Variants in TULP4 observed in about 807,000 individuals in gnomAD.
TULP4 encodes TUB like protein 4.
Under a neutral mutation model 129.0 loss-of-function variants are expected in TULP4, and 16 were observed. The observed-to-expected ratio is 0.12, with a 90% CI of 0.08 to 0.19. The LOEUF (loss-of-function observed/expected upper bound fraction) is 0.19, where lower values mean the gene tolerates loss of function less well. Ranked by LOEUF, TULP4 falls within the 10% of genes least tolerant of loss-of-function variation. The pLI is 1.00. For missense variants in TULP4, 1,842 were observed against 2,059.1 expected (o/e 0.89, Z 2.04); for synonymous variants, 998 against 854.0 (o/e 1.17, Z -2.94).
In TULP4 at chr6:158,509,833, G is replaced by A. The variant is rs1434153727; in HGVS notation, c.*3139G>A. 3 of 151,820 alleles carry A rather than the reference G, an allele frequency of 2.0e-5. No individual in the cohort carries two copies. Among genetic ancestry groups the A allele is most frequent in the African/African-American group, 4.8e-5 (2 of 41,250 alleles). The allele number at this position is 151,820 out of a possible 1,614,324, so 9.4% of individuals were successfully genotyped here. Reference sequence around the variant, plus strand: ...GGCTGTGCGGTCCTAGTAGTGTGACGTTTCAGTTAATAGTGGTGGTCTTAT... The same window carrying A: ...GGCTGTGCGGTCCTAGTAGTGTGACATTTCAGTTAATAGTGGTGGTCTTAT... On this transcript the variant is annotated 3_prime_UTR_variant, in exon 14 of 14. Coordinates refer to ENST00000367097, the MANE Select transcript of TULP4 (RefSeq NM_020245.5).
At chr6:158,261,625 A>G (rs139290534) in intron 1 of TULP4, among the ~76,000 whole-genome samples, 1 of 152,344 alleles carries the variant, frequency 6.6e-6, no homozygotes, top group Non-Finnish European at 1.5e-5. Context: ...GGCGAGGGAT[A>G]TGAATTTCTT....
At chr6:158,415,358 T>TC (rs1398277815) in intron 2 of TULP4, among the ~76,000 whole-genome samples, 1 of 150,412 alleles carries the variant, frequency 6.6e-6, no homozygotes, top group Non-Finnish European at 1.5e-5. Context: ...TCTTTTTTTT[T>TC]TTTTTTTTTG....
At chr6:158,469,877 T>C (rs1779637850) in intron 6 of TULP4, among the ~76,000 whole-genome samples, 1 of 151,980 alleles carries the variant, frequency 6.6e-6, no homozygotes, top group Non-Finnish European at 1.5e-5. Flanking sequence ...CCAGGGGTCC[T>C]TGCTCCCAGA....
rs562907007 is a variant in TULP4 at position 158,335,636 on chromosome 6, A to C, written c.252+21368A>C. Among the ~76,000 whole-genome samples, 106 of 152,300 alleles carry C rather than the reference A, an allele frequency of 7.0e-4. 1 individual carries two copies. Among genetic ancestry groups the C allele is most frequent in the African/African-American group, 2.0e-3 (85 of 41,566 alleles). On this transcript the variant is annotated intron_variant, in intron 1 of 13. Transcript: ENST00000367097. ...TTGTTCCTTCTGTAAAAATAGGCAG[A>C]TGTGTGTGGTGTATATTTATGTTTT...
At chr6:158,304,694 T>C (rs1320640731) in intron 1 of TULP4, among the ~76,000 whole-genome samples, 2 of 149,416 alleles carry the variant, frequency 1.3e-5, no homozygotes, top group East Asian at 3.9e-4. Context: ...TGAGATGGGG[T>C]CTCACTCTGT....
At chr6:158,499,538 G>A (rs1387389267) in intron 12 of TULP4, among the ~76,000 whole-genome samples, 1 of 152,218 alleles carries the variant, frequency 6.6e-6, no homozygotes, top group African/African-American at 2.4e-5. Flanking sequence ...TTAGTTGTGT[G>A]TAACTATTTC....
intron 2 of TULP4, among the ~76,000 whole-genome samples, chr6:158,419,290 T>C (rs1778283746): frequency 6.6e-6 from 1 of 152,226 alleles, no homozygotes; most frequent in Non-Finnish European, 1.5e-5. Context: ...TGTTTGTTCA[T>C]TTATTTTCTC....
At chr6:158,287,948 G>A (rs918525538) in intron 1 of TULP4, among the ~76,000 whole-genome samples, 1 of 152,146 alleles carries the variant, frequency 6.6e-6, no homozygotes, top group Admixed American at 6.5e-5. Context: ...TGATACTATT[G>A]CAGCTGTCCT....
chr6:158,366,861 C>CT (rs1344435277), intron 1 of TULP4, among the ~76,000 whole-genome samples: 3 of 152,188 alleles, frequency 2.0e-5, no homozygotes, highest in Non-Finnish European at 4.4e-5. Flanking sequence ...TCCAAAAATT[C>CT]TAAGTTGCCG....
chr6:158,288,162 A>T (rs957895797), intron 1 of TULP4, among the ~76,000 whole-genome samples: 6 of 152,336 alleles, frequency 3.9e-5, no homozygotes, highest in East Asian at 3.9e-4. Flanking sequence ...TTCCTTTTAT[A>T]TGGCTGTCTT....
Position 158,429,961 on chromosome 6 carries a change from G to A in TULP4, c.543+64G>A, listed in dbSNP as rs548271109. 13 of 1,486,214 alleles carry A rather than the reference G, an allele frequency of 8.7e-6. No homozygotes were observed. In the East Asian group the frequency reaches 2.7e-4, roughly 31 times the overall value. 92.1% of individuals were successfully genotyped at this position (1,486,214 alleles called of 1,614,324 possible). On this transcript the variant is annotated intron_variant, in intron 3 of 13. Transcript: ENST00000367097. ...ACCATGAGGGCTGGGAGGGAAGAAA[G>A]GGGCAGGAGAGGGGAGCTGGTGCAA... is the stretch of plus-strand genomic sequence containing the variant.
At chr6:158,436,037 C>T (rs1189626568) in intron 3 of TULP4, among the ~76,000 whole-genome samples, 1 of 152,154 alleles carries the variant, frequency 6.6e-6, no homozygotes, top group Non-Finnish European at 1.5e-5. Flanking sequence ...GCCTCACCCT[C>T]CCAAGTAGCT....
intron 1 of TULP4, among the ~76,000 whole-genome samples, chr6:158,244,414 C>T (rs1470472208): frequency 4.6e-5 from 7 of 152,176 alleles, no homozygotes; most frequent in Admixed American, 2.0e-4. Context: ...TTGAGTCCCC[C>T]TACCCCCGTT....
At chr6:158,506,496 G>A in intron 13 of TULP4, 82 bp from the exon 14 acceptor site, 2 of 910,128 alleles carry the variant, frequency 2.2e-6, no homozygotes, top group Non-Finnish European at 3.7e-6. Flanking sequence ...CTCCCAAAGT[G>A]CTGGGACTAC....
At chr6:158,340,785 A>C (rs1296692860) in intron 1 of TULP4, among the ~76,000 whole-genome samples, 1 of 152,102 alleles carries the variant, frequency 6.6e-6, no homozygotes, top group Admixed American at 6.6e-5. Context: ...CATATAACTT[A>C]CTGCCTTCTG....
chr6:158,447,840 A>G (rs972438928), intron 3 of TULP4, among the ~76,000 whole-genome samples: 2 of 152,344 alleles, frequency 1.3e-5, no homozygotes, highest in South Asian at 4.1e-4. Context: ...TGTGTTTGTA[A>G]ATTGGAGATA....
rs1326949004 is a variant in TULP4, at chr6:158,511,287, C to T, written c.*4593C>T. On this transcript the variant is annotated 3_prime_UTR_variant, in exon 14 of 14. Coordinates refer to ENST00000367097, the MANE Select transcript of TULP4 (RefSeq NM_020245.5). Reference sequence around the variant, plus strand: ...ACTGAAAAAGACACTGTATTATTTACCAAAGGGGTATTGTTTTTGCATTTG... The same window carrying T: ...ACTGAAAAAGACACTGTATTATTTATCAAAGGGGTATTGTTTTTGCATTTG... The T allele has an allele frequency of 1.3e-5, 2 of 152,520 alleles. No homozygotes were observed. Among genetic ancestry groups the T allele is most frequent in the Non-Finnish European group, 2.9e-5 (2 of 68,026 alleles). The allele number at this position is 152,520 out of a possible 1,614,324, so 9.4% of individuals were successfully genotyped here.
chr6:158,339,222 G>A (rs1045368161), intron 1 of TULP4, among the ~76,000 whole-genome samples: 21 of 152,250 alleles, frequency 1.4e-4, no homozygotes, highest in African/African-American at 3.9e-4. Context: ...CCCCCGAGCC[G>A]TAAAACCAGC....
chr6:158,277,762 G>A (rs1039110207), upstream of TULP4, among the ~76,000 whole-genome samples: 3 of 152,094 alleles, frequency 2.0e-5, no homozygotes, highest in Admixed American at 1.3e-4. Flanking sequence ...ATCTTAATTC[G>A]GGGACTTCTT....
Sources: gnomAD v4.1 joint callset for allele counts (sites outside exome capture counted in the v4.1 genomes callset) on GRCh38, gnomAD v4.1.1 for gene constraint, MANE v1.5 for transcripts, NCBI Gene and HGNC (gene_info 2026-07-23, HGNC 2026-07-21) for gene names.